Variants in CCDC141 observed in about 807,000 individuals in gnomAD.
CCDC141 encodes coiled-coil domain-containing protein 141.
Under a neutral mutation model 181.0 loss-of-function variants are expected in CCDC141, and 168 were observed. The ratio of observed to expected loss-of-function variants is 0.93; its 90% CI spans 0.82 to 1.05. The LOEUF (loss-of-function observed/expected upper bound fraction) is 1.05. CCDC141 is among the 50% of genes least tolerant of loss of function. The pLI, the probability that CCDC141 is intolerant of heterozygous loss-of-function variation, is 0.00. For synonymous variants in CCDC141, 666 were observed against 642.3 expected, an observed-to-expected ratio of 1.04 and a Z score of -0.56; for missense variants, 1,902 against 1,788.5, an observed-to-expected ratio of 1.06 and a Z score of -1.14.
intron 4 of CCDC141, among the ~76,000 whole-genome samples, chr2:178,962,102 TA>T (rs553517667): frequency 1.6e-4 from 24 of 152,090 alleles, no homozygotes; most frequent in Non-Finnish European, 7.4e-5. Flanking sequence ...TATTTTTAAT[TA>T]AAAAAATCAC....
At chr2:178,884,729 G>A (rs1372207983) in intron 11 of CCDC141, among the ~76,000 whole-genome samples, 172 bp downstream of exon 11, 2 of 152,112 alleles carry the variant, frequency 1.3e-5, no homozygotes, top group Admixed American at 1.3e-4. Context: ...TATAGATTGA[G>A]AACTGCTGCA....
intron 8 of CCDC141, among the ~76,000 whole-genome samples, chr2:178,904,944 T>G (rs1044996169): frequency 1.3e-5 from 2 of 152,122 alleles, no homozygotes; most frequent in Non-Finnish European, 2.9e-5. Flanking sequence ...TTTCTTCCAG[T>G]AAGAAAAAGA....
intron 8 of CCDC141, among the ~76,000 whole-genome samples, chr2:178,893,179 T>C (rs2154371436): frequency 6.6e-6 from 1 of 152,050 alleles, no homozygotes; most frequent in East Asian, 1.9e-4. Context: ...CCCTTATTCA[T>C]TGAGCCAATA....
intron 5 of CCDC141, among the ~76,000 whole-genome samples, chr2:178,955,997 C>T (rs1163413327): frequency 1.3e-5 from 2 of 152,094 alleles, no homozygotes; most frequent in African/African-American, 2.4e-5. Flanking sequence ...GTTGGGCCTT[C>T]GTTATCTTTT....
At chr2:179,025,637 T>C (rs887718450) in intron 2 of CCDC141, among the ~76,000 whole-genome samples, 1 of 152,152 alleles carries the variant, frequency 6.6e-6, no homozygotes, top group South Asian at 2.1e-4. Context: ...ATACAGTAAA[T>C]TGGTACCAGT....
chr2:178,848,733 C>T (rs549112916), intron 21 of CCDC141, among the ~76,000 whole-genome samples: 1 of 152,030 alleles, frequency 6.6e-6, no homozygotes, highest in Admixed American at 6.5e-5. Flanking sequence ...GATTTTCGGC[C>T]TTCGTATTGG....
chr2:179,008,583 C>A (rs1466902932), intron 2 of CCDC141, among the ~76,000 whole-genome samples: 1 of 152,146 alleles, frequency 6.6e-6, no homozygotes, highest in East Asian at 1.9e-4. Context: ...AGGATTCTGA[C>A]TCAATAGGTT....
intron 2 of CCDC141, chr2:179,002,577 T>A: frequency 3.4e-6 from 1 of 291,426 alleles, no homozygotes. Context: ...CACCCAAGAT[T>A]CAGCATCTTG....
chr2:178,892,680 G>A (rs1378596946), intron 8 of CCDC141, among the ~76,000 whole-genome samples: 1 of 152,080 alleles, frequency 6.6e-6, no homozygotes, highest in African/African-American at 2.4e-5. Flanking sequence ...AACGGCAGGT[G>A]GTCTGATCAA....
intron 6 of CCDC141, among the ~76,000 whole-genome samples, chr2:178,923,813 C>A (rs563516812): frequency 6.6e-6 from 1 of 152,178 alleles, no homozygotes; most frequent in Admixed American, 6.5e-5. Context: ...ATTCCATTTC[C>A]TGAGGAAATT....
intron 21 of CCDC141, among the ~76,000 whole-genome samples, chr2:178,846,983 T>C (rs1042692243): frequency 1.3e-5 from 2 of 152,152 alleles, no homozygotes; most frequent in Admixed American, 1.3e-4. Flanking sequence ...TTTAATAACA[T>C]AAAAAATAGA....
intron 4 of CCDC141, among the ~76,000 whole-genome samples, chr2:178,970,529 C>T (rs1690838263): frequency 6.6e-6 from 1 of 152,138 alleles, no homozygotes; most frequent in Admixed American, 6.5e-5. Flanking sequence ...GAAAATATTC[C>T]CTATTTAATA....
At chr2:178,826,371 T>C (rs1418086729), downstream of CCDC141, among the ~76,000 whole-genome samples, 1 of 152,126 alleles carries the variant, frequency 6.6e-6, no homozygotes, top group South Asian at 2.1e-4. Context: ...ATGAGAGATA[T>C]TGGTTTTTAG....
chr2:179,012,339 T>A (rs982860173), intron 2 of CCDC141, among the ~76,000 whole-genome samples: 1 of 152,122 alleles, frequency 6.6e-6, no homozygotes, highest in Admixed American at 6.6e-5. Context: ...AAGGCTACTA[T>A]GAACACTTTC....
intron 6 of CCDC141, among the ~76,000 whole-genome samples, chr2:178,939,542 G>C (rs1490885473): frequency 6.6e-6 from 1 of 152,024 alleles, no homozygotes; most frequent in Non-Finnish European, 1.5e-5. Context: ...GTACCAGTAA[G>C]AGAGAAAAAA....
chr2:178,999,027 G>A (rs2154383156), intron 2 of CCDC141, among the ~76,000 whole-genome samples: 1 of 152,260 alleles, frequency 6.6e-6, no homozygotes, highest in Middle Eastern at 3.4e-3. Flanking sequence ...AATAGGAATG[G>A]TGGAGAAAGT....
chr2:178,996,695 T>A (rs752638167), intron 2 of CCDC141, among the ~76,000 whole-genome samples: 1 of 152,204 alleles, frequency 6.6e-6, no homozygotes, highest in Non-Finnish European at 1.5e-5. Context: ...CTTCCAATAT[T>A]TCGTTGGGAC....
intron 8 of CCDC141, among the ~76,000 whole-genome samples, chr2:178,902,685 C>T (rs1687759360): frequency 1.3e-5 from 2 of 151,502 alleles, no homozygotes; most frequent in Admixed American, 1.3e-4. Context: ...CCATTCAGGA[C>T]ATAGGCATGG....
At chr2:179,043,860 A>G (rs1243885570) in intron 2 of CCDC141, among the ~76,000 whole-genome samples, 1 of 152,182 alleles carries the variant, frequency 6.6e-6, no homozygotes, top group Non-Finnish European at 1.5e-5. Flanking sequence ...AAGTAAAACT[A>G]TCTTTGCAGA....
Sources: allele counts gnomAD v4.1 joint callset (sites outside exome capture counted in the v4.1 genomes callset), GRCh38; gene constraint gnomAD v4.1.1; transcripts MANE v1.5; gene names NCBI Gene and HGNC (gene_info 2026-07-23, HGNC 2026-07-21).